Variants in NBPF15 observed in about 807,000 individuals in gnomAD.
The protein encoded by NBPF15 is NBPF family member NBPF15.
A neutral mutation model predicts 62.2 loss-of-function variants in NBPF15; 74 were observed. The ratio of observed to expected loss-of-function variants is 1.19; its 90% CI spans 0.99 to 1.44. The LOEUF (loss-of-function observed/expected upper bound fraction) is 1.44, where lower values mean the gene tolerates loss of function less well. NBPF15 is among the 40% of genes most tolerant of loss of function. The pLI is 0.00. For synonymous variants in NBPF15, 244 were observed against 209.7 expected, an observed-to-expected ratio of 1.16 and a Z score of -1.41; for missense variants, 790 against 550.0, an observed-to-expected ratio of 1.44 and a Z score of -4.36.
In NBPF15 at chr1:144,425,707, G is replaced by A. The variant is rs1340723208; in HGVS notation, c.1439-139C>T. ...CAATGTGAGAGAGATACTTCAGGAGGCCTGAAAGCTGGTCATGATATTCTT... is the reference window on the plus strand; with the variant it reads ...CAATGTGAGAGAGATACTTCAGGAGACCTGAAAGCTGGTCATGATATTCTT... On this transcript the variant is annotated intron_variant, in intron 18 of 21. Transcript: ENST00000581897. 3.2e-5 allele frequency: 14 copies of A among 433,648 alleles called. No homozygotes were observed. The East Asian group carries it at 5.2e-4, about 16-fold the overall frequency. 26.9% of individuals were successfully genotyped at this position (433,648 alleles called of 1,614,324 possible).
At chr1:144,459,974 G>T (rs1351725961) in intron 2 of NBPF15, among the ~76,000 whole-genome samples, 1 of 105,386 alleles carries the variant, frequency 9.5e-6, no homozygotes, top group African/African-American at 3.7e-5. Flanking sequence ...GTCTAGTAAT[G>T]TTCTATTTCT....
rs1482804219 is a variant in NBPF15 at position 144,421,487 on chromosome 1, G to A, written c.*1526C>T. 1 of 151,880 alleles carries A rather than the reference G, an allele frequency of 6.6e-6. No individual in the cohort carries two copies. The highest frequency in any genetic ancestry group is 6.6e-5 in the Admixed American group (1 of 15,230). 9.4% of individuals were successfully genotyped at this position (151,880 alleles called of 1,614,324 possible). ...ACTGAATGTAAAAAACAATCCAGAA[G>A]TCCAGAGTGATAGGCAAAAGGTTTT... On this transcript the variant is annotated 3_prime_UTR_variant, in exon 22 of 22. Transcript: ENST00000581897.
At chr1:144,445,381 A>T (rs1308129264) in intron 6 of NBPF15, among the ~76,000 whole-genome samples, 3,241 of 140,136 alleles carry the variant, frequency 0.023, 157 homozygotes, top group African/African-American at 0.08. Context: ...ACACACACAC[A>T]CGTTTGTGTG....
At chr1:144,449,762 C>T (rs1357899493) in intron 5 of NBPF15, among the ~76,000 whole-genome samples, 1 of 151,504 alleles carries the variant, frequency 6.6e-6, no homozygotes, top group Non-Finnish European at 1.5e-5. Context: ...TTTATCCCCT[C>T]CATGTTCCCT....
intron 17 of NBPF15, among the ~76,000 whole-genome samples, chr1:144,426,684 A>G (rs1295254376): frequency 2.4e-4 from 36 of 151,642 alleles, no homozygotes; most frequent in Non-Finnish European, 8.9e-5. Context: ...AGCTCAGCGA[A>G]TTGGCCGGGT....
At chr1:144,424,406 C>G (rs1343940120) in intron 20 of NBPF15, among the ~76,000 whole-genome samples, 2 of 151,786 alleles carry the variant, frequency 1.3e-5, no homozygotes, top group African/African-American at 4.8e-5. Flanking sequence ...GAGTCAAAAT[C>G]ATAGTTCTCT....
At chr1:144,457,430 T>C (rs1472678180) in intron 3 of NBPF15, among the ~76,000 whole-genome samples, 141 of 152,088 alleles carry the variant, frequency 9.3e-4, no homozygotes, top group African/African-American at 3.4e-3. Flanking sequence ...CATACAAAGG[T>C]TTATTTTTCA....
At chr1:144,426,252 T>A (rs1553539214) in intron 18 of NBPF15, 26 bp downstream of exon 18, 1 of 571,376 alleles carries the variant, frequency 1.8e-6, no homozygotes, top group Non-Finnish European at 3.1e-6. Flanking sequence ...GGTGGAGGCT[T>A]ATCACCTTCA....
At chr1:144,445,550 G>A (rs782517560) in intron 6 of NBPF15, among the ~76,000 whole-genome samples, 2 of 149,126 alleles carry the variant, frequency 1.3e-5, no homozygotes, top group African/African-American at 4.9e-5. Flanking sequence ...CTGGAAATAG[G>A]TAGTGAATTC....
rs1681505143 is a variant in NBPF15 at position 144,439,830 on chromosome 1, G to T, written c.174C>A (p.Tyr58Ter). 1.5e-5 allele frequency: 24 copies of T among 1,598,170 alleles called. No individual in the cohort carries two copies. The South Asian group carries it at 2.0e-4, about 13-fold the overall frequency. The change falls in exon 8 of 22, where the codon TAC (tyrosine) becomes TAA (stop). Residue 58 changes from tyrosine to a stop codon, truncating the protein, a stop_gained and splice_region_variant. Coordinates refer to ENST00000581897, the MANE Select transcript of NBPF15 (RefSeq NM_001385408.1). LOFTEE classifies it high-confidence loss of function. ...TGACGGTGAGCCTATAGATCTTACTGTATTTCTTCTGTCGGTTGGCCAGGA... is the reference window on the plus strand; with the variant it reads ...TGACGGTGAGCCTATAGATCTTACTTTATTTCTTCTGTCGGTTGGCCAGGA... ...AGFLANRQKKYKYEECKDLIK... is the reference protein window; with the variant it reads ...AGFLANRQKK
At chr1:144,442,808 T>C in intron 6 of NBPF15, 1 of 210,876 alleles carries the variant, frequency 4.7e-6, no homozygotes, top group Middle Eastern at 6.1e-4. Context: ...ACTGTGGTCC[T>C]GGACTCACTG....
intron 8 of NBPF15, among the ~76,000 whole-genome samples, chr1:144,438,299 A>C (rs1680164066): frequency 6.6e-6 from 1 of 150,550 alleles, no homozygotes. Flanking sequence ...AACCACAACA[A>C]AGTGGAGTCA....
chr1:144,438,809 G>T (rs1680630596), intron 8 of NBPF15, among the ~76,000 whole-genome samples: 1 of 151,808 alleles, frequency 6.6e-6, no homozygotes, highest in African/African-American at 2.4e-5. Context: ...CAAGCAACTT[G>T]GATGGAGCCC....
Position 144,423,197 on chromosome 1 carries a change from C to G in NBPF15, c.1829G>C (p.Arg610Thr), listed in dbSNP as rs782734498. 4 of 1,611,354 alleles carry G rather than the reference C, an allele frequency of 2.5e-6. No homozygotes were observed. The highest frequency in any genetic ancestry group is 1.7e-5 in the Admixed American group (1 of 59,946). ...EPEVLQDSLDRCYSTPSMYFE... is the reference protein window; with the variant it reads ...EPEVLQDSLDTCYSTPSMYFE... ...GTACATTGACGGAGTCGAATAACAT[C>G]TATCCAGTGAGTCCTGTAAGACTTC... The change falls in exon 22 of 22, where the codon AGA (arginine) becomes ACA (threonine). Residue 610 changes from arginine (R) to threonine (T), a missense_variant. Arg to Thr is a moderately conservative substitution (Grantham distance 71, BLOSUM62 -1). Transcript: ENST00000581897.
At chr1:144,432,759 T>C (rs1571122237) in intron 13 of NBPF15, among the ~76,000 whole-genome samples, 1 of 151,958 alleles carries the variant, frequency 6.6e-6, no homozygotes. Context: ...GAGTTAACTA[T>C]CCTAAATATA....
At chr1:144,426,587 G>T in intron 17 of NBPF15, 137 bp from the exon 18 acceptor site, 1 of 709,564 alleles carries the variant, frequency 1.4e-6, no homozygotes, top group Non-Finnish European at 2.6e-6. Flanking sequence ...ATGAATTATT[G>T]CCTTTATGTT....
intron 4 of NBPF15, among the ~76,000 whole-genome samples, chr1:144,453,638 C>CAAAAAAAAAAAAAAAAAAAAAA (rs200525708): frequency 8.2e-5 from 3 of 36,410 alleles, no homozygotes; most frequent in Middle Eastern, 0.017. Context: ...CAACACAAAG[C>CAAAAAAAAAAAAAAAAAAAAAA]AAAAAAAAAA....
At chr1:144,448,298 T>G (rs1362150245) in intron 6 of NBPF15, among the ~76,000 whole-genome samples, 1 of 152,064 alleles carries the variant, frequency 6.6e-6, no homozygotes. Flanking sequence ...TTTGGAAGCA[T>G]GTATCCTAAG....
rs1383264037 is a variant in NBPF15 at position 144,439,117 on chromosome 1, G to T, written c.175+712C>A. On this transcript the variant is annotated intron_variant, in intron 8 of 21. Transcript: ENST00000581897. Reference sequence around the variant, plus strand: ...TCCTGCCTCAGCCTCCTAGGCAGGGGTGATTACAGTCACCTGCCACCACGC... The same window carrying T: ...TCCTGCCTCAGCCTCCTAGGCAGGGTTGATTACAGTCACCTGCCACCACGC... Among the ~76,000 whole-genome samples, 5 of 151,890 alleles carry T rather than the reference G, an allele frequency of 3.3e-5. No individual in the cohort carries two copies. In the East Asian group the frequency reaches 9.7e-4, roughly 29 times the overall value.
Sources: gnomAD v4.1 joint callset for allele counts (sites outside exome capture counted in the v4.1 genomes callset) on GRCh38, gnomAD v4.1.1 for gene constraint, MANE v1.5 for transcripts, NCBI Gene and HGNC (gene_info 2026-07-23, HGNC 2026-07-21) for gene names.